Variants in EYS observed in about 807,000 individuals in gnomAD.
The protein encoded by EYS is protein eyes shut homolog.
In EYS, 250 loss-of-function variants were observed where a neutral mutation model predicts 282.1. That is an observed-to-expected ratio of 0.89 (90% CI 0.80 to 0.98). EYS has a LOEUF of 0.98. Among genes scored for constraint, EYS ranks in the 50% least tolerant of loss-of-function variants. EYS has a pLI of 0.00. For missense variants in EYS, 4,016 were observed against 3,709.0 expected (o/e 1.08, Z -2.15); for synonymous variants, 1,355 against 1,282.9 (o/e 1.06, Z -1.20).
At position 64,591,605 on chromosome 6, in the gene EYS, G is replaced by A; in HGVS notation, c.4262C>T (p.Ala1421Val). ...TCTAATTACTGAAGTCGTTGGGGTA[G>A]CAGATAAAGCAACAGTCTGACAGTT... ...FENCQTVALS[A>V]TPTTSVIRSI... is the part of the protein sequence containing the mutation. The change falls in exon 26 of 43, where the codon GCT (alanine) becomes GTT (valine). Residue 1421 changes from alanine (A) to valine (V), a missense_variant. Physicochemically the swap from Ala to Val is moderately conservative, Grantham distance 64. Transcript: ENST00000503581. 1 of 1,551,182 alleles carries A rather than the reference G, an allele frequency of 6.4e-7. No individual in the cohort carries two copies.
chr6:64,623,442 A>G (rs935911465), intron 23 of EYS, among the ~76,000 whole-genome samples: 5 of 152,186 alleles, frequency 3.3e-5, no homozygotes, highest in Non-Finnish European at 7.4e-5. Context: ...TAGAAAAATT[A>G]GGTAAAATGA....
At chr6:64,489,131 C>G (rs1776661085) in intron 26 of EYS, among the ~76,000 whole-genome samples, 2 of 150,850 alleles carry the variant, frequency 1.3e-5, no homozygotes, top group African/African-American at 4.8e-5. Context: ...TTTCAGTGCT[C>G]ACATACTGCT....
chr6:65,185,434 A>G (rs1231222444), intron 12 of EYS, among the ~76,000 whole-genome samples: 1 of 151,884 alleles, frequency 6.6e-6, no homozygotes, highest in African/African-American at 2.4e-5. Context: ...AGCTGAGCTG[A>G]AAGACATTTA....
chr6:64,594,979 T>C (rs1766535134), intron 24 of EYS, among the ~76,000 whole-genome samples: 1 of 151,852 alleles, frequency 6.6e-6, no homozygotes, highest in Non-Finnish European at 1.5e-5. Flanking sequence ...ACACCAAAAC[T>C]AGACAAGAAC....
chr6:64,893,333 A>G (rs1767348562), intron 18 of EYS, among the ~76,000 whole-genome samples: 1 of 152,050 alleles, frequency 6.6e-6, no homozygotes, highest in Non-Finnish European at 1.5e-5. Context: ...TTCAATAACC[A>G]TAAGAGAGAA....
At chr6:65,317,589 A>G (rs1769326505) in intron 11 of EYS, among the ~76,000 whole-genome samples, 1 of 152,166 alleles carries the variant, frequency 6.6e-6, no homozygotes, top group African/African-American at 2.4e-5. Context: ...GCAATTTCTG[A>G]GGCAAGGAAA....
At chr6:65,703,179 C>G (rs1415372444) in intron 1 of EYS, among the ~76,000 whole-genome samples, 1 of 152,156 alleles carries the variant, frequency 6.6e-6, no homozygotes, top group African/African-American at 2.4e-5. Flanking sequence ...GTGCCTCTCT[C>G]TCTCTGTCTC....
In EYS at chr6:65,227,294, G is replaced by A. The variant is rs1055761177; in HGVS notation, c.2023+68569C>T. ...TATGCAAATTCAGAGATGGAAAGAA[G>A]TTTAATGATTACAAGGGGCTGAGAA... On this transcript the variant is annotated intron_variant, in intron 12 of 42. Transcript: ENST00000503581. Among the ~76,000 whole-genome samples the A allele has an allele frequency of 2.6e-5, 4 of 152,218 alleles. No homozygotes were observed. In the South Asian group the frequency reaches 6.2e-4, roughly 24 times the overall value.
chr6:65,106,785 A>G (rs1024171215), intron 12 of EYS, among the ~76,000 whole-genome samples: 1 of 152,056 alleles, frequency 6.6e-6, no homozygotes, highest in Non-Finnish European at 1.5e-5. Flanking sequence ...AGGTCTTTAC[A>G]TGTAAAATGC....
At position 65,436,881 on chromosome 6, in the gene EYS, T is replaced by C. The variant is rs1768092164; in HGVS notation, c.863-31514A>G. 3.3e-5 allele frequency among the ~76,000 whole-genome samples: 5 copies of C among 152,104 alleles called. No individual in the cohort carries two copies. In the South Asian group the frequency reaches 1.0e-3, roughly 31 times the overall value. Reference sequence around the variant, plus strand: ...CATTCTCCCAAAAATAATTTACAAATTCAGGAAATTTCTAATCAAAACTTA... The same window carrying C: ...CATTCTCCCAAAAATAATTTACAAACTCAGGAAATTTCTAATCAAAACTTA... On this transcript the variant is annotated intron_variant, in intron 5 of 42. Transcript: ENST00000503581.
chr6:64,585,864 T>C (rs1766218725), intron 26 of EYS, among the ~76,000 whole-genome samples: 1 of 152,192 alleles, frequency 6.6e-6, no homozygotes, highest in Non-Finnish European at 1.5e-5. Flanking sequence ...TTGGAATTTC[T>C]TTATACTTTT....
chr6:64,664,570 G>A (rs1381844664), intron 22 of EYS, among the ~76,000 whole-genome samples: 2 of 152,070 alleles, frequency 1.3e-5, no homozygotes, highest in East Asian at 1.9e-4. Context: ...CTCCTCACCC[G>A]CCCCCAAATT....
At chr6:63,740,432 A>G (rs1769046628) in intron 41 of EYS, among the ~76,000 whole-genome samples, 1 of 151,940 alleles carries the variant, frequency 6.6e-6, no homozygotes, top group African/African-American at 2.4e-5. Context: ...AGTCCATTAA[A>G]CCTCTTTTTC....
intron 12 of EYS, among the ~76,000 whole-genome samples, chr6:65,227,613 T>A (rs1471050616): frequency 1.3e-5 from 2 of 152,100 alleles, no homozygotes; most frequent in Non-Finnish European, 2.9e-5. Context: ...CAAACAGGTA[T>A]CTTAACACTA....
chr6:64,070,993 C>T (rs1771553314), intron 32 of EYS, among the ~76,000 whole-genome samples: 1 of 151,918 alleles, frequency 6.6e-6, no homozygotes, highest in Non-Finnish European at 1.5e-5. Context: ...TCGGAGTATC[C>T]CTGTGTGAGA....
At chr6:65,450,444 T>G (rs1764359157) in intron 5 of EYS, among the ~76,000 whole-genome samples, 1 of 152,116 alleles carries the variant, frequency 6.6e-6, no homozygotes, top group African/African-American at 2.4e-5. Flanking sequence ...GAGACAGAGT[T>G]TAATGTATGG....
chr6:65,489,603 T>C (rs1765951865), intron 5 of EYS: 1 of 152,176 alleles, frequency 6.6e-6, no homozygotes, highest in African/African-American at 2.4e-5. Flanking sequence ...AAATACCATT[T>C]GACCCAGCAA....
intron 33 of EYS, among the ~76,000 whole-genome samples, chr6:64,061,994 G>A (rs1317408418): frequency 2.0e-5 from 3 of 151,522 alleles, no homozygotes; most frequent in African/African-American, 4.9e-5. Flanking sequence ...TAGCCATCAT[G>A]CTATTTTTTT....
intron 28 of EYS, among the ~76,000 whole-genome samples, chr6:64,421,827 CGA>C (rs367750793): frequency 4.9e-5 from 7 of 143,582 alleles, no homozygotes; most frequent in Admixed American, 2.8e-4. Context: ...AGAGAGAGAG[CGA>C]GAGAGAGAGA....
Sources: allele counts gnomAD v4.1 joint callset (sites outside exome capture counted in the v4.1 genomes callset), GRCh38; gene constraint gnomAD v4.1.1; transcripts MANE v1.5; gene names NCBI Gene and HGNC (gene_info 2026-07-23, HGNC 2026-07-21).